The following RASAL2 variants were observed in gnomAD, a reference collection of about 807,000 sequenced individuals.
The protein encoded by RASAL2 is ras GTPase-activating protein nGAP.
Under a neutral mutation model 128.9 loss-of-function variants are expected in RASAL2, and 58 were observed. The observed-to-expected ratio is 0.45, with a 90% confidence interval of 0.36 to 0.56. RASAL2 has a LOEUF of 0.56. Among genes scored for constraint, RASAL2 ranks in the 20% least tolerant of loss-of-function variants. RASAL2 has a pLI of 0.00. For synonymous variants in RASAL2, 561 were observed against 580.8 expected (o/e 0.97, Z 0.49); for missense variants, 1,360 against 1,601.6 (o/e 0.85, Z 2.57).
chr1:178,442,589 C>G, intron 7 of RASAL2, 86 bp from the exon 8 acceptor site: 1 of 1,130,674 alleles, frequency 8.8e-7, no homozygotes, highest in South Asian at 1.6e-5. Context: ...TAATAGAGTA[C>G]CTAATGAACA....
At chr1:178,467,688 G>A (rs1647876429) in intron 17 of RASAL2, among the ~76,000 whole-genome samples, 1 of 152,202 alleles carries the variant, frequency 6.6e-6, no homozygotes. Flanking sequence ...GATGGGGTTT[G>A]CTTCTTTCCC....
intron 3 of RASAL2, among the ~76,000 whole-genome samples, chr1:178,325,906 C>T (rs1255433787): frequency 1.3e-5 from 2 of 152,102 alleles, no homozygotes; most frequent in African/African-American, 4.8e-5. Context: ...GCCTGGGCAA[C>T]ATAATGAGAC....
intron 1 of RASAL2, among the ~76,000 whole-genome samples, chr1:178,167,351 A>C (rs1661551980): frequency 6.6e-6 from 1 of 152,130 alleles, no homozygotes; most frequent in Non-Finnish European, 1.5e-5. Context: ...TTATTTGTTG[A>C]TATCTGTAGT....
chr1:178,214,771 G>T (rs572669029), intron 1 of RASAL2, among the ~76,000 whole-genome samples: 1 of 152,072 alleles, frequency 6.6e-6, no homozygotes, highest in South Asian at 2.1e-4. Flanking sequence ...TGTTAGCCAC[G>T]ATGGTCTCGA....
At chr1:178,299,853 A>G in intron 2 of RASAL2, 139 bp from the exon 3 acceptor site, 1 of 826,170 alleles carries the variant, frequency 1.2e-6, no homozygotes, top group Non-Finnish European at 1.8e-6. Flanking sequence ...TTACCATTGT[A>G]TATACTTTAT....
At chr1:178,106,928 CT>C (rs1362118321) in intron 1 of RASAL2, among the ~76,000 whole-genome samples, 1 of 152,180 alleles carries the variant, frequency 6.6e-6, no homozygotes, top group Non-Finnish European at 1.5e-5. Context: ...AGCTGATCAT[CT>C]TTCTTTTCCT....
intron 1 of RASAL2, among the ~76,000 whole-genome samples, chr1:178,265,636 T>C (rs908845297): frequency 6.6e-6 from 1 of 152,194 alleles, no homozygotes; most frequent in African/African-American, 2.4e-5. Flanking sequence ...TATGAAAGGA[T>C]AATGTACACA....
chr1:178,464,075 A>T (rs997538956), intron 14 of RASAL2, among the ~76,000 whole-genome samples: 1 of 152,188 alleles, frequency 6.6e-6, no homozygotes, highest in African/African-American at 2.4e-5. Context: ...GCAACTTTCT[A>T]TTCAGAATAG....
chr1:178,395,793 T>TATATATA (rs879578177), intron 4 of RASAL2, among the ~76,000 whole-genome samples: 1,890 of 124,396 alleles, frequency 0.015, 112 homozygotes, highest in African/African-American at 0.062. Flanking sequence ...ATATATATAT[T>TATATATA]TATTTATTCA....
At chr1:178,246,033 T>A (rs1408919354) in intron 1 of RASAL2, among the ~76,000 whole-genome samples, 1 of 152,218 alleles carries the variant, frequency 6.6e-6, no homozygotes, top group Non-Finnish European at 1.5e-5. Flanking sequence ...TTGCTTAGGA[T>A]TGTCTTGGCT....
intron 2 of RASAL2, among the ~76,000 whole-genome samples, chr1:178,296,672 T>G (rs975886900): frequency 6.7e-6 from 1 of 149,136 alleles, no homozygotes; most frequent in African/African-American, 2.5e-5. Flanking sequence ...GCCTTGATTT[T>G]TTTTTTTTTT....
intron 3 of RASAL2, among the ~76,000 whole-genome samples, chr1:178,320,258 C>T (rs1668693663): frequency 6.6e-6 from 1 of 152,108 alleles, no homozygotes; most frequent in Admixed American, 6.5e-5. Context: ...TTTGTCTGTG[C>T]CCTGCCCCCA....
intron 1 of RASAL2, among the ~76,000 whole-genome samples, chr1:178,281,236 T>G (rs533519432): frequency 3.9e-5 from 6 of 151,926 alleles, no homozygotes; most frequent in Non-Finnish European, 8.8e-5. Context: ...TAGACAGACA[T>G]AATTTTTTTT....
intron 9 of RASAL2, among the ~76,000 whole-genome samples, chr1:178,448,636 T>C (rs1677177744): frequency 6.6e-6 from 1 of 152,098 alleles, no homozygotes; most frequent in African/African-American, 2.4e-5. Flanking sequence ...TTTAATGATT[T>C]GTGTTTTGTT....
At chr1:178,333,492 T>G (rs1669441521) in intron 3 of RASAL2, among the ~76,000 whole-genome samples, 1 of 151,776 alleles carries the variant, frequency 6.6e-6, no homozygotes, top group Admixed American at 6.6e-5. Flanking sequence ...AACACTAAAC[T>G]TTTGGGAGTT....
chr1:178,394,508 A>G (rs889788728), intron 4 of RASAL2, among the ~76,000 whole-genome samples: 1 of 152,142 alleles, frequency 6.6e-6, no homozygotes, highest in Admixed American at 6.5e-5. Context: ...GATATTTATG[A>G]TTTGTTTAAT....
intron 3 of RASAL2, among the ~76,000 whole-genome samples, chr1:178,322,755 T>G (rs970572258): frequency 6.6e-6 from 1 of 152,230 alleles, no homozygotes; most frequent in Non-Finnish European, 1.5e-5. Context: ...CTTTCCTTGT[T>G]TAAACACTTT....
intron 4 of RASAL2, chr1:178,411,655 A>T: frequency 1.2e-6 from 1 of 812,892 alleles, no homozygotes; most frequent in Non-Finnish European, 2.2e-6. Context: ...TGTCTGCCAT[A>T]TCTTTGCAAC....
chr1:178,291,546 T>A (rs752825852), intron 2 of RASAL2, among the ~76,000 whole-genome samples: 8 of 152,240 alleles, frequency 5.3e-5, no homozygotes, highest in Non-Finnish European at 1.0e-4. Flanking sequence ...GGTGTTTATG[T>A]TCTGCCATTA....
Sources: gnomAD v4.1 joint callset for allele counts (sites outside exome capture counted in the v4.1 genomes callset) on GRCh38, gnomAD v4.1.1 for gene constraint, MANE v1.5 for transcripts, NCBI Gene and HGNC (gene_info 2026-07-23, HGNC 2026-07-21) for gene names.